Variants in GNAZ observed in about 807,000 individuals in gnomAD.
GNAZ encodes the protein G protein subunit alpha z, also known as guanine nucleotide-binding protein G(z) subunit alpha.
Under a neutral mutation model 25.4 loss-of-function variants are expected in GNAZ, and 3 were observed. The ratio of observed to expected loss-of-function variants is 0.12; its 90% CI spans 0.05 to 0.30. The LOEUF (loss-of-function observed/expected upper bound fraction) is 0.30, where lower values mean the gene tolerates loss of function less well. Among genes scored for constraint, GNAZ ranks in the 10% least tolerant of loss-of-function variants. The probability of loss-of-function intolerance (pLI) is 1.00; values close to 1 mark genes in which losing one functional copy is unlikely to be tolerated. For missense variants in GNAZ, 241 were observed against 501.8 expected (o/e 0.48, Z 4.97); for synonymous variants, 211 against 205.7 (o/e 1.03, Z -0.22).
intron 2 of GNAZ, among the ~76,000 whole-genome samples, chr22:23,113,109 A>G (rs2069702884): frequency 6.6e-6 from 1 of 152,206 alleles, no homozygotes; most frequent in South Asian, 2.1e-4. Context: ...GACCCTGGCC[A>G]GGAAGACACA....
chr22:23,091,745 G>A (rs2068987088), intron 1 of GNAZ, among the ~76,000 whole-genome samples: 1 of 152,230 alleles, frequency 6.6e-6, no homozygotes, highest in Non-Finnish European at 1.5e-5. Flanking sequence ...CCACAAACAT[G>A]CAGGTACACA....
intron 1 of GNAZ, among the ~76,000 whole-genome samples, chr22:23,083,137 G>A (rs964062771): frequency 6.6e-6 from 1 of 152,122 alleles, no homozygotes; most frequent in Non-Finnish European, 1.5e-5. Flanking sequence ...CCAAAGGAGG[G>A]GTCCTTAGGG....
chr22:23,090,700 C>T (rs1397013175), intron 1 of GNAZ, among the ~76,000 whole-genome samples: 1 of 152,180 alleles, frequency 6.6e-6, no homozygotes, highest in African/African-American at 2.4e-5. Context: ...TCATCTCTTA[C>T]CAGGAGGCCA....
intron 2 of GNAZ, among the ~76,000 whole-genome samples, chr22:23,112,892 C>T (rs1377219670): frequency 6.6e-6 from 1 of 152,302 alleles, no homozygotes; most frequent in African/African-American, 2.4e-5. Flanking sequence ...ACAGCTCCAG[C>T]TGGGCAGAGC....
At chr22:23,112,311 C>G (rs1439728455) in intron 2 of GNAZ, among the ~76,000 whole-genome samples, 1 of 152,240 alleles carries the variant, frequency 6.6e-6, no homozygotes, top group Non-Finnish European at 1.5e-5. Flanking sequence ...TCGGCCCCGC[C>G]CCAAGCACAC....
At chr22:23,097,295 C>T (rs369818600) in intron 2 of GNAZ, among the ~76,000 whole-genome samples, 139 of 152,344 alleles carry the variant, frequency 9.1e-4, no homozygotes, top group African/African-American at 3.2e-3. Context: ...TCCGAGGTCA[C>T]TCCTTGCTTC....
In GNAZ at chr22:23,071,900, A is replaced by G. The variant is rs1013729565; in HGVS notation, c.-450+1330A>G. 2.0e-5 allele frequency among the ~76,000 whole-genome samples: 3 copies of G among 151,896 alleles called. No homozygotes were observed. Among genetic ancestry groups the G allele is most frequent in the Admixed American group, 2.0e-4 (3 of 15,260 alleles). On this transcript the variant is annotated intron_variant, in intron 1 of 2. Coordinates refer to ENST00000615612, the MANE Select transcript of GNAZ (RefSeq NM_002073.4). This position sits in a 1 kb window ranked among gnomAD's most constrained non-coding sequence, Gnocchi z 4.1. Reference sequence around the variant, plus strand: ...ATGGGAGCACTTAGCATGCCTGGGGAGTAGGAGGAGGTATGGCGGGAAAGG... The same window carrying G: ...ATGGGAGCACTTAGCATGCCTGGGGGGTAGGAGGAGGTATGGCGGGAAAGG...
chr22:23,097,293 C>T (rs888741362), intron 2 of GNAZ, among the ~76,000 whole-genome samples: 2 of 152,204 alleles, frequency 1.3e-5, no homozygotes, highest in Non-Finnish European at 2.9e-5. Flanking sequence ...CCTCCGAGGT[C>T]ACTCCTTGCT....
At chr22:23,085,677 T>TGCCTCCGCCCTGGTTGTCCCAGC (rs1380838189) in intron 1 of GNAZ, among the ~76,000 whole-genome samples, 4 of 152,312 alleles carry the variant, frequency 2.6e-5, no homozygotes, top group South Asian at 2.1e-4. Context: ...CCAGTACCAG[T>TGCCTCCGCCCTGGTTGTCCCAGC]GCCTCCGCCC....
chr22:23,110,577 G>A (rs1356158333), intron 2 of GNAZ, among the ~76,000 whole-genome samples: 2 of 152,242 alleles, frequency 1.3e-5, no homozygotes, highest in East Asian at 3.8e-4. Context: ...CCCACCACCT[G>A]AGCAGATGGG....
chr22:23,108,634 C>T (rs1032727345), intron 2 of GNAZ, among the ~76,000 whole-genome samples: 1 of 152,240 alleles, frequency 6.6e-6, no homozygotes, highest in Admixed American at 6.5e-5. Context: ...CAGGAGGTGC[C>T]CTCATGGGGC....
At chr22:23,114,267 G>C (rs1264942976) in intron 2 of GNAZ, among the ~76,000 whole-genome samples, 3 of 152,184 alleles carry the variant, frequency 2.0e-5, no homozygotes, top group Non-Finnish European at 4.4e-5. Context: ...CTGAATTCAC[G>C]GTTCGGATGA....
intron 2 of GNAZ, among the ~76,000 whole-genome samples, chr22:23,117,985 A>G (rs1227697130): frequency 3.3e-5 from 5 of 152,206 alleles, no homozygotes; most frequent in Non-Finnish European, 7.4e-5. Context: ...TCTGGCCAGC[A>G]GTCTGGCAGC....
At position 23,107,291 on chromosome 22, in the gene GNAZ, C is replaced by T. The variant is rs73384386; in HGVS notation, c.723+10873C>T. Among the ~76,000 whole-genome samples the T allele has an allele frequency of 5.3e-3, 803 of 152,330 alleles. 9 individuals carry two copies. Among genetic ancestry groups the T allele is most frequent in the African/African-American group, 0.017 (718 of 41,574 alleles). On this transcript the variant is annotated intron_variant, in intron 2 of 2. Coordinates refer to ENST00000615612, the MANE Select transcript of GNAZ (RefSeq NM_002073.4). ...CCCATCCCAGAGGAGCCCCATCTGT[C>T]GCTGGCCTGGGACCTACAGGCCTGA... is the stretch of plus-strand genomic sequence containing the variant.
chr22:23,111,313 AG>A (rs1260716072), intron 2 of GNAZ, among the ~76,000 whole-genome samples: 64 of 152,304 alleles, frequency 4.2e-4, no homozygotes, highest in African/African-American at 1.3e-3. Flanking sequence ...TGTACCGAGC[AG>A]GGGGTGCGGC....
intron 2 of GNAZ, among the ~76,000 whole-genome samples, chr22:23,114,032 C>T (rs773413643): frequency 2.6e-5 from 4 of 152,188 alleles, no homozygotes; most frequent in East Asian, 1.9e-4. Context: ...GAGGCTTGGC[C>T]GGTACTTTGT....
At position 23,123,250 on chromosome 22, in the gene GNAZ, C is replaced by G; in HGVS notation, c.887C>G (p.Thr296Arg). 6.2e-7 allele frequency: 1 copy of G among 1,614,162 alleles called. No individual in the cohort carries two copies. The highest frequency in any genetic ancestry group is 8.5e-7 in the Non-Finnish European group (1 of 1,180,012). The part of the protein sequence containing the change: ...ICFPEYKGQN[T>R]YEEAAVYIQR... Reference sequence around the variant, plus strand: ...TTTCCCGAGTACAAGGGCCAGAACACGTACGAGGAGGCCGCTGTCTACATC... The same window carrying G: ...TTTCCCGAGTACAAGGGCCAGAACAGGTACGAGGAGGCCGCTGTCTACATC... The change falls in exon 3 of 3, where the codon ACG (threonine) becomes AGG (arginine). Residue 296 changes from threonine to arginine, a missense_variant. Transcript: ENST00000615612.
chr22:23,095,471 C>T lies in GNAZ; in HGVS notation c.-225C>T. On this transcript the variant is annotated 5_prime_UTR_variant, in exon 2 of 3. Transcript: ENST00000615612. ...TTTGCCAACTAGGGAGGTGGAGTGT[C>T]ACTAGTGGGGAGGGGCGGCCACCGC... 1 of 562,688 alleles carries T rather than the reference C, an allele frequency of 1.8e-6. No individual in the cohort carries two copies. Among genetic ancestry groups the T allele is most frequent in the African/African-American group, 1.9e-5 (1 of 53,428 alleles). The allele number at this position is 562,688 out of a possible 1,614,324, so 34.9% of individuals were successfully genotyped here. A position where few individuals can be genotyped will look rare whatever the true frequency, so the allele number is the denominator to read the frequency against.
intron 1 of GNAZ, among the ~76,000 whole-genome samples, chr22:23,072,651 C>T (rs1409388693): frequency 6.6e-6 from 1 of 152,226 alleles, no homozygotes; most frequent in African/African-American, 2.4e-5. Flanking sequence ...AGGGCCTGCC[C>T]TCGTGGGGTG....
Sources: gnomAD v4.1 joint callset for allele counts (sites outside exome capture counted in the v4.1 genomes callset) on GRCh38, gnomAD v4.1.1 for gene constraint, Gnocchi (gnomAD v3.1) non-coding constraint, MANE v1.5 for transcripts, NCBI Gene and HGNC (gene_info 2026-07-23, HGNC 2026-07-21) for gene names.